SMIM35: variants seen among roughly 807,000 people sequenced by gnomAD.
SMIM35 encodes the protein small integral membrane protein 35.
chr11:118,011,490 G>C (rs1229925545), intron 4 of SMIM35, among the ~76,000 whole-genome samples: 2 of 152,096 alleles, frequency 1.3e-5, no homozygotes, highest in Non-Finnish European at 2.9e-5. Flanking sequence ...TTAGGAGTTC[G>C]GGACCAGCCT....
intron 1 of SMIM35, among the ~76,000 whole-genome samples, chr11:118,056,609 G>A (rs1944313638): frequency 6.6e-6 from 1 of 152,188 alleles, no homozygotes; most frequent in African/African-American, 2.4e-5. Flanking sequence ...CAGCACCCAG[G>A]TGATAGGTGT....
At chr11:118,081,326 G>A (rs1565406729) in intron 1 of SMIM35, among the ~76,000 whole-genome samples, 1 of 152,222 alleles carries the variant, frequency 6.6e-6, no homozygotes, top group Non-Finnish European at 1.5e-5. Context: ...CCTGGTGATA[G>A]GGAAGGGGAA....
chr11:118,036,838 G>A lies in SMIM35; in HGVS notation c.8-21029C>T, dbSNP rs1238227638. Among the ~76,000 whole-genome samples, 4 of 152,216 alleles carry A rather than the reference G, an allele frequency of 2.6e-5. 1 individual carries two copies. Among genetic ancestry groups the A allele is most frequent in the Non-Finnish European group, 1.5e-5 (1 of 68,034 alleles). On this transcript the variant is annotated intron_variant, in intron 1 of 4. Transcript: ENST00000689828. ...AACAGAGCTCCCATACAAAGGGAGG[G>A]GACCCAAAGAAGGTAGCCATTGCTG...
At chr11:118,048,947 A>AAAAAAAAAAAAAAAAAC (rs1944159867) in intron 1 of SMIM35, among the ~76,000 whole-genome samples, 1 of 68,366 alleles carries the variant, frequency 1.5e-5, no homozygotes, top group Non-Finnish European at 3.7e-5. Flanking sequence ...GAAGAGCTGC[A>AAAAAAAAAAAAAAAAAC]AAAAAAAAAA....
At chr11:118,077,198 G>T in intron 1 of SMIM35, 1 of 1,481,054 alleles carries the variant, frequency 6.8e-7, no homozygotes, top group South Asian at 1.2e-5. Context: ...AGGGACTTCT[G>T]ACCTGCTGGC....
chr11:118,021,312 C>T (rs2058229165), intron 1 of SMIM35, among the ~76,000 whole-genome samples: 1 of 152,068 alleles, frequency 6.6e-6, no homozygotes, highest in Non-Finnish European at 1.5e-5. Context: ...CTCTAAACTT[C>T]AGTCTTAGAT....
chr11:118,060,252 C>T (rs1944375416), intron 1 of SMIM35, among the ~76,000 whole-genome samples: 1 of 152,234 alleles, frequency 6.6e-6, no homozygotes, highest in African/African-American at 2.4e-5. Flanking sequence ...CCCACCACCT[C>T]TCAGGTGAAC....
chr11:118,083,057 T>TGCTGCGCC (rs1945276227), intron 1 of SMIM35, among the ~76,000 whole-genome samples: 1 of 152,152 alleles, frequency 6.6e-6, no homozygotes, highest in African/African-American at 2.4e-5. Flanking sequence ...CCCTCTCCTC[T>TGCTGCGCC]GCTGCGCCGC....
intron 1 of SMIM35, among the ~76,000 whole-genome samples, chr11:118,035,663 C>G (rs566820033): frequency 1.4e-4 from 21 of 152,226 alleles, no homozygotes; most frequent in Non-Finnish European, 2.6e-4. Context: ...GTCTCTGGGC[C>G]CCAGGAGGAT....
chr11:118,080,930 G>A (rs1053339330), intron 1 of SMIM35, among the ~76,000 whole-genome samples: 18 of 152,168 alleles, frequency 1.2e-4, no homozygotes, highest in Admixed American at 1.0e-3. Flanking sequence ...GATTCCCTGG[G>A]ACAGTGAACT....
intron 1 of SMIM35, among the ~76,000 whole-genome samples, chr11:118,032,362 T>C (rs1052228847): frequency 6.6e-5 from 10 of 152,156 alleles, no homozygotes; most frequent in African/African-American, 2.4e-4. Flanking sequence ...TCTAGAGTAA[T>C]ACGAATAATT....
intron 1 of SMIM35, among the ~76,000 whole-genome samples, chr11:118,045,698 G>T (rs1470561765): frequency 6.6e-6 from 1 of 152,152 alleles, no homozygotes; most frequent in Non-Finnish European, 1.5e-5. Flanking sequence ...AGACCCATTG[G>T]TTTGTTTACT....
chr11:118,065,755 C>T (rs1796509191), intron 1 of SMIM35, among the ~76,000 whole-genome samples: 1 of 152,156 alleles, frequency 6.6e-6, no homozygotes, highest in African/African-American at 2.4e-5. Flanking sequence ...GCTTCTTGTT[C>T]AGCCCACTCC....
chr11:118,054,259 C>T (rs56283247), intron 1 of SMIM35, among the ~76,000 whole-genome samples: 7,195 of 151,646 alleles, frequency 0.047, 434 homozygotes, highest in African/African-American at 0.14. Context: ...ACCATGTCAA[C>T]TTTGTGTGGA....
At chr11:118,077,052 A>G (rs750231838) in intron 1 of SMIM35, 9 of 481,850 alleles carry the variant, frequency 1.9e-5, no homozygotes, top group Non-Finnish European at 3.3e-5. Flanking sequence ...GGCTGTTTTA[A>G]TCAAGCTGCC....
At chr11:118,034,350 G>A (rs983781990) in intron 1 of SMIM35, among the ~76,000 whole-genome samples, 2 of 152,126 alleles carry the variant, frequency 1.3e-5, no homozygotes, top group Admixed American at 6.5e-5. Context: ...ATAAATATTA[G>A]TTGTTGATTA....
At chr11:118,080,379 A>T (rs1431217563) in intron 1 of SMIM35, among the ~76,000 whole-genome samples, 1 of 152,140 alleles carries the variant, frequency 6.6e-6, no homozygotes, top group Non-Finnish European at 1.5e-5. Flanking sequence ...CTGTGGCTGG[A>T]GCAAAGACTC....
intron 1 of SMIM35, among the ~76,000 whole-genome samples, chr11:118,063,261 G>A (rs1476302921): frequency 1.3e-5 from 2 of 152,116 alleles, no homozygotes; most frequent in Non-Finnish European, 2.9e-5. Context: ...TCTTTCTTGG[G>A]TGAGATCCAA....
intron 1 of SMIM35, among the ~76,000 whole-genome samples, chr11:118,023,912 G>A (rs2058252746): frequency 6.6e-6 from 1 of 151,864 alleles, no homozygotes; most frequent in Admixed American, 6.6e-5. Flanking sequence ...GCGTGTGCCT[G>A]TAATACCAGC....
Sources: gnomAD v4.1 joint callset for allele counts (sites outside exome capture counted in the v4.1 genomes callset) on GRCh38, gnomAD v4.1.1 for gene constraint, MANE v1.5 for transcripts, NCBI Gene and HGNC (gene_info 2026-07-23, HGNC 2026-07-21) for gene names.